The following GLRB variants were observed in gnomAD, a reference collection of about 807,000 sequenced individuals.
The protein encoded by GLRB is glycine receptor beta, also known as glycine receptor subunit beta.
A neutral mutation model predicts 54.2 loss-of-function variants in GLRB; 33 were observed. That is an observed-to-expected ratio of 0.61 (90% CI 0.46 to 0.81). The LOEUF (loss-of-function observed/expected upper bound fraction) is 0.81. Among genes scored for constraint, GLRB ranks in the 40% least tolerant of loss-of-function variants. The pLI is 0.00. For synonymous variants in GLRB, 209 were observed against 208.2 expected (o/e 1.00, Z -0.03); for missense variants, 572 against 584.6 (o/e 0.98, Z 0.22).
intron 2 of GLRB, among the ~76,000 whole-genome samples, chr4:157,083,074 T>A (rs1316391705): frequency 6.6e-6 from 1 of 151,534 alleles, no homozygotes; most frequent in East Asian, 1.9e-4. Context: ...AAATAAGAAC[T>A]ATTTTAATAG....
chr4:157,154,497 G>C (rs943324820), intron 9 of GLRB, among the ~76,000 whole-genome samples: 1 of 137,022 alleles, frequency 7.3e-6, no homozygotes, highest in Non-Finnish European at 1.5e-5. Context: ...GCGTGATCTC[G>C]GCTCACCGCA....
At chr4:157,080,695 T>C (rs1734190921) in intron 2 of GLRB, among the ~76,000 whole-genome samples, 1 of 152,170 alleles carries the variant, frequency 6.6e-6, no homozygotes, top group African/African-American at 2.4e-5. Context: ...CTAAGAGGAA[T>C]ATTGAAAATT....
At chr4:157,127,662 C>A (rs1057155932) in intron 4 of GLRB, among the ~76,000 whole-genome samples, 3 of 151,738 alleles carry the variant, frequency 2.0e-5, no homozygotes, top group African/African-American at 7.3e-5. Context: ...ACAGAGACAG[C>A]AAGATCAGGG....
At chr4:157,126,865 A>G (rs933508661) in intron 4 of GLRB, among the ~76,000 whole-genome samples, 1 of 151,862 alleles carries the variant, frequency 6.6e-6, no homozygotes, top group African/African-American at 2.4e-5. Context: ...GAGCTCTTTC[A>G]TGGAAATAAA....
At chr4:157,160,370 G>T (rs2126619249) in intron 9 of GLRB, among the ~76,000 whole-genome samples, 1 of 152,002 alleles carries the variant, frequency 6.6e-6, no homozygotes, top group South Asian at 2.1e-4. Flanking sequence ...CTTGCCTTCT[G>T]CTAGCTTTTG....
chr4:157,120,255 G>T (rs1735759957), intron 2 of GLRB, among the ~76,000 whole-genome samples: 1 of 83,132 alleles, frequency 1.2e-5, no homozygotes, highest in Non-Finnish European at 2.2e-5. Flanking sequence ...AGGGGGGTGG[G>T]ATAGCTTTAG....
chr4:157,116,029 A>G (rs1018555919), intron 2 of GLRB, among the ~76,000 whole-genome samples: 2 of 151,814 alleles, frequency 1.3e-5, no homozygotes, highest in Non-Finnish European at 2.9e-5. Context: ...GAAACTGTGC[A>G]CTGTGGTCAC....
At position 157,129,952 on chromosome 4, in the gene GLRB, C is replaced by CA. The variant is rs546948591; in HGVS notation, c.298-6511dup. ...ACACTATATGCAGAATTTTTTGAAG[C>CA]AAAAAAGCATATTAAGCACTCTACA... is the stretch of plus-strand genomic sequence containing the variant. On this transcript the variant is annotated intron_variant, in intron 4 of 9. Transcript: ENST00000264428. 4.7e-4 allele frequency among the ~76,000 whole-genome samples: 71 copies of CA among 150,950 alleles called. 1 individual carries two copies. The highest frequency in any genetic ancestry group is 6.8e-3 in the Middle Eastern group (2 of 294).
chr4:157,155,778 T>A (rs1737203816), intron 9 of GLRB, among the ~76,000 whole-genome samples: 1 of 152,226 alleles, frequency 6.6e-6, no homozygotes, highest in Non-Finnish European at 1.5e-5. Context: ...TGGATTTCTT[T>A]GAGTTGATCT....
intron 8 of GLRB, among the ~76,000 whole-genome samples, chr4:157,150,896 T>C (rs1736998174): frequency 1.3e-5 from 2 of 152,082 alleles, no homozygotes; most frequent in African/African-American, 2.4e-5. Flanking sequence ...TAATTTTCTT[T>C]CTCAGTCTAT....
At chr4:157,133,337 C>G (rs1736284653) in intron 4 of GLRB, among the ~76,000 whole-genome samples, 1 of 151,798 alleles carries the variant, frequency 6.6e-6, no homozygotes, top group Non-Finnish European at 1.5e-5. Context: ...AATAACTTGA[C>G]TTAAACCCAT....
chr4:157,157,184 T>G, intron 9 of GLRB, among the ~76,000 whole-genome samples: 1 of 152,084 alleles, frequency 6.6e-6, no homozygotes, highest in African/African-American at 2.4e-5. Flanking sequence ...AGGAGGAGCC[T>G]CTTGTTACTG....
At chr4:157,146,198 G>A (rs1736801015) in intron 8 of GLRB, among the ~76,000 whole-genome samples, 2 of 151,852 alleles carry the variant, frequency 1.3e-5, no homozygotes, top group Admixed American at 1.3e-4. Context: ...TGTATTTTTA[G>A]TAGAGACAGG....
rs754862855 is a variant in GLRB at position 157,120,598 on chromosome 4, C to T, written c.165C>T (p.Ser55=). ...ACCTTGCCCGAGTACCTGCCAACTC[C>T]ACTAGCAATATCTTGAACAGGTTAT... is the stretch of plus-strand genomic sequence containing the variant. ...AEDLARVPAN[S]TSNILNRLLV... is the part of the protein sequence containing the mutation. Residue 55 remains serine (S), a synonymous_variant, in exon 3 of 10, where the codon TCC becomes TCT. Transcript: ENST00000264428. 1 of 1,602,000 alleles carries T rather than the reference C, an allele frequency of 6.2e-7. No homozygotes were observed.
At chr4:157,103,049 G>T (rs1735092500) in intron 2 of GLRB, among the ~76,000 whole-genome samples, 1 of 151,898 alleles carries the variant, frequency 6.6e-6, no homozygotes, top group Non-Finnish European at 1.5e-5. Flanking sequence ...TACTCAGGAG[G>T]CTGATACAGG....
intron 9 of GLRB, among the ~76,000 whole-genome samples, chr4:157,156,521 C>T (rs931431280): frequency 2.6e-5 from 4 of 152,102 alleles, no homozygotes; most frequent in Non-Finnish European, 4.4e-5. Context: ...CTAATTCAGA[C>T]GCCCTTTATT....
intron 9 of GLRB, among the ~76,000 whole-genome samples, chr4:157,165,409 T>G (rs1737668253): frequency 6.6e-6 from 1 of 152,056 alleles, no homozygotes; most frequent in African/African-American, 2.4e-5. Context: ...AATATTGTTA[T>G]TCAATAGAAT....
chr4:157,164,515 A>G (rs1469854264), intron 9 of GLRB, among the ~76,000 whole-genome samples: 1 of 152,204 alleles, frequency 6.6e-6, no homozygotes, highest in Non-Finnish European at 1.5e-5. Context: ...GATGCTCTAT[A>G]GAACAGGTGC....
chr4:157,095,067 A>C (rs1420643498), intron 2 of GLRB, among the ~76,000 whole-genome samples: 1 of 152,198 alleles, frequency 6.6e-6, no homozygotes, highest in Non-Finnish European at 1.5e-5. Flanking sequence ...GCTGATCTAC[A>C]TTGAGTTGGC....
Sources: allele counts gnomAD v4.1 joint callset (sites outside exome capture counted in the v4.1 genomes callset), GRCh38; gene constraint gnomAD v4.1.1; transcripts MANE v1.5; gene names NCBI Gene and HGNC (gene_info 2026-07-23, HGNC 2026-07-21).